CFAP44: variants seen among roughly 807,000 people sequenced by gnomAD.
CFAP44 encodes the protein cilia- and flagella-associated protein 44.
Under a neutral mutation model 216.2 loss-of-function variants are expected in CFAP44, and 134 were observed. That is an observed-to-expected ratio of 0.62 (90% confidence interval 0.54 to 0.72). The LOEUF (loss-of-function observed/expected upper bound fraction) is 0.72, where lower values mean the gene tolerates loss of function less well. Ranked by LOEUF, CFAP44 falls within the 30% of genes least tolerant of loss-of-function variation. The probability of loss-of-function intolerance (pLI) is 0.00; values close to 1 mark genes in which losing one functional copy is unlikely to be tolerated. For synonymous variants in CFAP44, 700 were observed against 727.6 expected (o/e 0.96, Z 0.61); for missense variants, 2,035 against 2,182.1 (o/e 0.93, Z 1.34).
rs372706190 is a variant in CFAP44, at chr3:113,353,697, C to T, written c.3065+5048G>A. Among the ~76,000 whole-genome samples, 20 of 152,224 alleles carry T rather than the reference C, an allele frequency of 1.3e-4. No individual in the cohort carries two copies. In the East Asian group the frequency reaches 3.3e-3, roughly 25 times the overall value. On this transcript the variant is annotated intron_variant, in intron 22 of 34. Coordinates refer to ENST00000393845, the MANE Select transcript of CFAP44 (RefSeq NM_001164496.2). ...TAATACCTGGTAAGAAGTGCTATAACTTTCAGAGTGAAGTACCAGAGAGGA... is the reference window on the plus strand; with the variant it reads ...TAATACCTGGTAAGAAGTGCTATAATTTTCAGAGTGAAGTACCAGAGAGGA...
At chr3:113,357,428 T>A (rs911364255) in intron 22 of CFAP44, among the ~76,000 whole-genome samples, 3 of 152,084 alleles carry the variant, frequency 2.0e-5, no homozygotes, top group Non-Finnish European at 4.4e-5. Flanking sequence ...GAAACCTATA[T>A]GAAGAGACAC....
At chr3:113,335,874 A>G (rs1158617358) in intron 24 of CFAP44, among the ~76,000 whole-genome samples, 1 of 152,220 alleles carries the variant, frequency 6.6e-6, no homozygotes, top group African/African-American at 2.4e-5. Context: ...TTAATAACTT[A>G]AATTATACAG....
At chr3:113,436,615 G>A (rs542192230) in intron 1 of CFAP44, among the ~76,000 whole-genome samples, 8 of 152,284 alleles carry the variant, frequency 5.3e-5, no homozygotes, top group Admixed American at 1.3e-4. Context: ...ATGATTGATC[G>A]ATAATGATTT....
In CFAP44 at chr3:113,326,443, A is replaced by C; in HGVS notation, c.4516+2T>G. 1 of 1,494,244 alleles carries C rather than the reference A, an allele frequency of 6.7e-7. No individual in the cohort carries two copies. The highest frequency in any genetic ancestry group is 8.8e-7 in the Non-Finnish European group (1 of 1,131,178). The allele number at this position is 1,494,244 out of a possible 1,614,324, so 92.6% of individuals were successfully genotyped here. On this transcript the variant is annotated splice_donor_variant, in intron 28 of 34. Transcript: ENST00000393845. LOFTEE classifies it high-confidence loss of function. ...GATCATATGCAAGAAAGAAATACAAACCAGCATCTCCTTCAACTTCTTTTT... is the reference window on the plus strand; with the variant it reads ...GATCATATGCAAGAAAGAAATACAACCCAGCATCTCCTTCAACTTCTTTTT...
At chr3:113,368,883 G>C (rs1933051422) in intron 18 of CFAP44, among the ~76,000 whole-genome samples, 1 of 152,158 alleles carries the variant, frequency 6.6e-6, no homozygotes, top group Non-Finnish European at 1.5e-5. Context: ...TCAAAATAAA[G>C]GGATGGAGGA....
intron 25 of CFAP44, among the ~76,000 whole-genome samples, chr3:113,331,914 C>T (rs544550220): frequency 1.3e-5 from 2 of 152,234 alleles, no homozygotes; most frequent in South Asian, 2.1e-4. Flanking sequence ...GTATACCAGA[C>T]ATGTCTTATT....
intron 22 of CFAP44, among the ~76,000 whole-genome samples, chr3:113,358,227 C>T (rs372738947): frequency 7.9e-5 from 12 of 152,008 alleles, no homozygotes; most frequent in African/African-American, 2.9e-4. Context: ...TAAATGTTCT[C>T]TATCTTAATC....
Position 113,330,331 on chromosome 3 carries a change from G to A in CFAP44, c.3953C>T (p.Thr1318Ile), listed in dbSNP as rs761674016. ...KLSSRKDGDL[T>I]TRDSISRSSK... The stretch of plus-strand genomic sequence containing the variant: ...TGATCTAGATATTGAATCACGGGTT[G>A]TCAAATCCCCATCCTTTCTAGAAGA... The change falls in exon 26 of 35, where the codon ACA (threonine) becomes ATA (isoleucine). Residue 1318 changes from threonine to isoleucine, a missense_variant. Transcript: ENST00000393845. The A allele has an allele frequency of 1.3e-6, 2 of 1,537,260 alleles. No homozygotes were observed. The highest frequency in any genetic ancestry group is 1.4e-5 in the African/African-American group (1 of 73,154).
intron 34 of CFAP44, 23 bp from the exon 35 acceptor site, chr3:113,291,771 T>C: frequency 6.5e-7 from 1 of 1,533,964 alleles, no homozygotes; most frequent in Non-Finnish European, 8.7e-7. Flanking sequence ...AACAGCTCCC[T>C]GTTGAAGCAT....
chr3:113,363,983 A>G (rs1299999826), intron 19 of CFAP44, among the ~76,000 whole-genome samples: 1 of 152,152 alleles, frequency 6.6e-6, no homozygotes, highest in Non-Finnish European at 1.5e-5. Context: ...CATTTTAAGT[A>G]AGCATTTTAT....
At chr3:113,300,253 T>C (rs1310457423) in intron 32 of CFAP44, among the ~76,000 whole-genome samples, 1 of 152,076 alleles carries the variant, frequency 6.6e-6, no homozygotes, top group Non-Finnish European at 1.5e-5. Flanking sequence ...GGTTAATGGG[T>C]ACAAAAACAG....
chr3:113,349,862 C>T (rs547218293), intron 22 of CFAP44, among the ~76,000 whole-genome samples: 69 of 152,276 alleles, frequency 4.5e-4, no homozygotes, highest in Non-Finnish European at 6.8e-4. Context: ...TGTTACCATC[C>T]GAGGAATCCT....
At chr3:113,414,121 A>G (rs1007006897) in intron 6 of CFAP44, among the ~76,000 whole-genome samples, 1 of 152,118 alleles carries the variant, frequency 6.6e-6, no homozygotes, top group African/African-American at 2.4e-5. Flanking sequence ...CTTTGTAGTG[A>G]TTGTGAATGG....
In CFAP44 at chr3:113,344,512, C is replaced by T. The variant is rs1267993274; in HGVS notation, c.3262+4G>A. 5.9e-6 allele frequency: 9 copies of T among 1,535,198 alleles called. No individual in the cohort carries two copies. The East Asian group carries it at 9.8e-5, about 17-fold the overall frequency. On this transcript the variant is annotated splice_donor_region_variant and intron_variant, in intron 23 of 34. Transcript: ENST00000393845. ...AATTTAAAAGCCTTCTTGTCATAGG[C>T]TACCTGCATCTCTCTGGCTGTCCTT...
intron 31 of CFAP44, 41 bp from the exon 32 acceptor site, chr3:113,304,158 A>C: frequency 6.6e-7 from 1 of 1,512,464 alleles, no homozygotes; most frequent in Non-Finnish European, 8.9e-7. Context: ...AGACAAAAAC[A>C]CAGATTTTGT....
intron 15 of CFAP44, among the ~76,000 whole-genome samples, chr3:113,387,456 C>T (rs1252737155): frequency 1.3e-5 from 2 of 152,128 alleles, no homozygotes; most frequent in African/African-American, 2.4e-5. Flanking sequence ...GGGAACCCAT[C>T]CCCTTGAAGA....
intron 15 of CFAP44, among the ~76,000 whole-genome samples, chr3:113,393,689 T>A (rs1302760201): frequency 1.3e-5 from 2 of 152,102 alleles, no homozygotes; most frequent in Non-Finnish European, 1.5e-5. Context: ...CTAATTTTTG[T>A]ATTTTTTGTA....
chr3:113,375,127 G>T (rs929737115), intron 17 of CFAP44, among the ~76,000 whole-genome samples: 24 of 143,400 alleles, frequency 1.7e-4, no homozygotes, highest in African/African-American at 6.3e-4. Context: ...GAGATACTTA[G>T]AGTAGTCAAA....
intron 28 of CFAP44, among the ~76,000 whole-genome samples, chr3:113,326,154 T>G (rs570169804): frequency 2.9e-4 from 44 of 152,312 alleles, no homozygotes; most frequent in African/African-American, 1.0e-3. Context: ...GATATACATA[T>G]GGCAAATAAA....
Sources: allele counts gnomAD v4.1 joint callset (sites outside exome capture counted in the v4.1 genomes callset), GRCh38; gene constraint gnomAD v4.1.1; transcripts MANE v1.5; gene names NCBI Gene and HGNC (gene_info 2026-07-23, HGNC 2026-07-21).